COBL: variants seen among roughly 807,000 people sequenced by gnomAD.
COBL encodes the protein cordon-bleu WH2 repeat protein, also known as protein cordon-bleu.
Under a neutral mutation model 98.8 loss-of-function variants are expected in COBL, and 51 were observed. The observed-to-expected ratio is 0.52, with a 90% CI of 0.41 to 0.65. The LOEUF is 0.65. Ranked by LOEUF, COBL falls within the 30% of genes least tolerant of loss-of-function variation. COBL has a pLI of 0.00. For missense variants in COBL, 1,617 were observed against 1,617.5 expected (o/e 1.00, Z 0.01); for synonymous variants, 634 against 651.7 (o/e 0.97, Z 0.41).
intron 5 of COBL, among the ~76,000 whole-genome samples, chr7:51,147,317 T>C (rs1216980458): frequency 6.6e-6 from 1 of 152,250 alleles, no homozygotes; most frequent in Non-Finnish European, 1.5e-5. Flanking sequence ...GCTTGTTACT[T>C]GGTGCTGTAA....
chr7:51,028,821 C>A lies in COBL; in HGVS notation c.2275G>T (p.Ala759Ser), dbSNP rs371146550. 9.9e-6 allele frequency: 16 copies of A among 1,614,230 alleles called. No homozygotes were observed. The highest frequency in any genetic ancestry group is 1.3e-5 in the Non-Finnish European group (15 of 1,180,050). Residue 759 changes from alanine to serine, a missense_variant, in exon 10 of 13, where the codon GCA (alanine) becomes TCA (serine). This residue lies in a region of COBL where 1,304 missense variants were observed against 1,282.0 expected (regional missense o/e 1.02). Coordinates refer to ENST00000265136, the MANE Select transcript of COBL (RefSeq NM_015198.5). Reference sequence around the variant, plus strand: ...ACTTTCCCAATGGGCTGAGATTCTGCTTCAGGCACAGACGAAGACAGGGAA... The same window carrying A: ...ACTTTCCCAATGGGCTGAGATTCTGATTCAGGCACAGACGAAGACAGGGAA... ...IISLSSSVPE[A>S]ESQPIGKVRE...
chr7:51,292,324 A>G (rs1203013507), intron 1 of COBL, among the ~76,000 whole-genome samples: 1 of 152,222 alleles, frequency 6.6e-6, no homozygotes. Context: ...CTTCAAATCA[A>G]TGACTGTTGA....
intron 1 of COBL, among the ~76,000 whole-genome samples, chr7:51,292,379 A>G (rs1246358545): frequency 1.3e-5 from 2 of 152,192 alleles, no homozygotes; most frequent in Non-Finnish European, 2.9e-5. Flanking sequence ...CCATTCCAAG[A>G]GTATTATGTT....
chr7:51,283,701 T>C (rs939530334), intron 1 of COBL, among the ~76,000 whole-genome samples: 21 of 152,060 alleles, frequency 1.4e-4, no homozygotes, highest in African/African-American at 5.1e-4. Context: ...GTCAGGCTTA[T>C]CTCAAACACC....
rs574806766 is a variant in COBL, at chr7:51,111,682, C to T, written c.957+24476G>A. ...AGCTGCCTCTCCCCCGTGCCTGGGCCCCTGCATGCTCCTTGACTTCATGGT... is the reference window on the plus strand; with the variant it reads ...AGCTGCCTCTCCCCCGTGCCTGGGCTCCTGCATGCTCCTTGACTTCATGGT... On this transcript the variant is annotated intron_variant, in intron 6 of 12. Coordinates refer to ENST00000265136, the MANE Select transcript of COBL (RefSeq NM_015198.5). 4.6e-5 allele frequency among the ~76,000 whole-genome samples: 7 copies of T among 152,248 alleles called. No individual in the cohort carries two copies. The South Asian group carries it at 1.5e-3, about 32-fold the overall frequency.
At chr7:51,196,549 T>TATTA (rs1790615713) in intron 2 of COBL, among the ~76,000 whole-genome samples, 2 of 152,198 alleles carry the variant, frequency 1.3e-5, no homozygotes, top group Non-Finnish European at 2.9e-5. Flanking sequence ...CCTCTTTATT[T>TATTA]ATTTATTTAT....
chr7:51,081,532 C>G (rs551281857), intron 7 of COBL, among the ~76,000 whole-genome samples: 1 of 152,162 alleles, frequency 6.6e-6, no homozygotes, highest in African/African-American at 2.4e-5. Flanking sequence ...TTGGTAAGTA[C>G]CCCTCCCACA....
intron 1 of COBL, among the ~76,000 whole-genome samples, chr7:51,308,730 G>A (rs1802721274): frequency 6.6e-6 from 1 of 152,104 alleles, no homozygotes; most frequent in African/African-American, 2.4e-5. Context: ...GGGGGCTGGG[G>A]GATCCTCTTT....
At chr7:51,207,692 G>A (rs1426192766) in intron 2 of COBL, among the ~76,000 whole-genome samples, 1 of 152,222 alleles carries the variant, frequency 6.6e-6, no homozygotes, top group Non-Finnish European at 1.5e-5. Context: ...TCGGCCTCCC[G>A]AGGTGCCGGG....
intron 1 of COBL, among the ~76,000 whole-genome samples, chr7:51,276,649 A>G (rs911795004): frequency 6.6e-6 from 1 of 152,248 alleles, no homozygotes; most frequent in Non-Finnish European, 1.5e-5. Flanking sequence ...CACTGCCCGC[A>G]GTAAACACTG....
chr7:51,204,808 C>G (rs918178825), intron 2 of COBL, among the ~76,000 whole-genome samples: 2 of 151,980 alleles, frequency 1.3e-5, no homozygotes, highest in African/African-American at 4.8e-5. Context: ...CTTGGCCTCC[C>G]AATGTGCTGG....
intron 2 of COBL, among the ~76,000 whole-genome samples, chr7:51,197,949 G>C (rs1790749342): frequency 6.6e-6 from 1 of 152,008 alleles, no homozygotes; most frequent in Non-Finnish European, 1.5e-5. Context: ...CATACCAATG[G>C]GTCTTGGTTC....
At chr7:51,184,277 A>C (rs1267035317) in intron 4 of COBL, 78 bp from the exon 5 acceptor site, 24 of 780,584 alleles carry the variant, frequency 3.1e-5, no homozygotes, top group Non-Finnish European at 4.4e-5. Flanking sequence ...AATCTTAATA[A>C]ATGAATCCTC....
intron 1 of COBL, among the ~76,000 whole-genome samples, chr7:51,303,053 T>C (rs986223693): frequency 2.6e-5 from 4 of 152,202 alleles, no homozygotes; most frequent in African/African-American, 9.6e-5. Context: ...ATCACTGCAA[T>C]AGAAACCTGC....
intron 1 of COBL, among the ~76,000 whole-genome samples, chr7:51,225,388 T>C (rs952707781): frequency 3.3e-5 from 5 of 152,244 alleles, no homozygotes; most frequent in Non-Finnish European, 1.5e-5. Flanking sequence ...CCATCAGACC[T>C]GGGACCTTGC....
intron 7 of COBL, among the ~76,000 whole-genome samples, chr7:51,061,950 T>TACACACACACACAC (rs3047134): frequency 8.3e-5 from 12 of 145,448 alleles, no homozygotes; most frequent in African/African-American, 3.3e-4. Context: ...CCACCATAGA[T>TACACACACACACAC]ACACACACAC....
chr7:51,073,327 G>A, intron 7 of COBL: 1 of 695,722 alleles, frequency 1.4e-6, no homozygotes, highest in Non-Finnish European at 2.6e-6. Flanking sequence ...CCGAGGTCAG[G>A]AAGAGGCCCG....
At chr7:51,115,114 T>C (rs1797154079) in intron 6 of COBL, among the ~76,000 whole-genome samples, 1 of 152,232 alleles carries the variant, frequency 6.6e-6, no homozygotes, top group Admixed American at 6.5e-5. Flanking sequence ...CTCATCTTAA[T>C]GTCTATAGAA....
At chr7:51,168,442 A>C (rs943550297) in intron 5 of COBL, among the ~76,000 whole-genome samples, 1 of 152,202 alleles carries the variant, frequency 6.6e-6, no homozygotes, top group Admixed American at 6.5e-5. Flanking sequence ...TTTCAAAAAA[A>C]AAAAATGGGC....
Sources: gnomAD v4.1 joint callset for allele counts (sites outside exome capture counted in the v4.1 genomes callset) on GRCh38, gnomAD v4.1.1 for gene constraint, gnomAD v4.1.1 regional missense constraint, MANE v1.5 for transcripts, NCBI Gene and HGNC (gene_info 2026-07-23, HGNC 2026-07-21) for gene names.